NCAM2: variants seen among roughly 807,000 people sequenced by gnomAD.
NCAM2 encodes the protein N-CAM-2.
A neutral mutation model predicts 98.1 loss-of-function variants in NCAM2; 30 were observed. That is an observed-to-expected ratio of 0.31 (90% confidence interval 0.23 to 0.41). The LOEUF is 0.41. Among genes scored for constraint, NCAM2 ranks in the 10% least tolerant of loss-of-function variants. The probability of loss-of-function intolerance (pLI) is 1.00; values close to 1 mark genes in which losing one functional copy is unlikely to be tolerated. For missense variants in NCAM2, 867 were observed against 1,005.8 expected, an observed-to-expected ratio of 0.86 and a Z score of 1.87; for synonymous variants, 368 against 342.4, an observed-to-expected ratio of 1.07 and a Z score of -0.83.
At chr21:21,416,841 A>G (rs1602275548) in intron 10 of NCAM2, among the ~76,000 whole-genome samples, 1 of 152,142 alleles carries the variant, frequency 6.6e-6, no homozygotes, top group African/African-American at 2.4e-5. Flanking sequence ...GAATACATCA[A>G]ATAAGCTTCA....
At chr21:21,382,286 G>A (rs232421) in intron 9 of NCAM2, among the ~76,000 whole-genome samples, 2 of 151,966 alleles carry the variant, frequency 1.3e-5, no homozygotes, top group African/African-American at 2.4e-5. Flanking sequence ...CAATTTTTTT[G>A]TGTGTGTAAT....
intron 1 of NCAM2, among the ~76,000 whole-genome samples, chr21:21,044,459 G>GT (rs1193893907): frequency 6.6e-6 from 1 of 152,068 alleles, no homozygotes; most frequent in Non-Finnish European, 1.5e-5. Flanking sequence ...TTTAAGAATG[G>GT]TAACTATGGT....
chr21:21,303,514 C>T (rs1191702075), intron 5 of NCAM2, among the ~76,000 whole-genome samples: 1 of 151,934 alleles, frequency 6.6e-6, no homozygotes, highest in Non-Finnish European at 1.5e-5. Context: ...TTTTCTTACC[C>T]ATTCACCAAA....
chr21:21,327,113 C>T (rs947878820), intron 6 of NCAM2, among the ~76,000 whole-genome samples: 4 of 152,138 alleles, frequency 2.6e-5, no homozygotes, highest in African/African-American at 9.7e-5. Context: ...GCCTTTGCCT[C>T]CCAAAGTGCT....
At chr21:21,481,026 G>A (rs977573779) in intron 15 of NCAM2, among the ~76,000 whole-genome samples, 1 of 152,190 alleles carries the variant, frequency 6.6e-6, no homozygotes, top group Admixed American at 6.5e-5. Flanking sequence ...GATAACCATG[G>A]CTTGGAAACA....
chr21:21,234,639 A>G (rs186129799), intron 1 of NCAM2, among the ~76,000 whole-genome samples: 2 of 152,060 alleles, frequency 1.3e-5, no homozygotes, highest in Non-Finnish European at 2.9e-5. Context: ...TCATTTGCAC[A>G]TTATCCGTGG....
chr21:21,245,249 G>A (rs889005668), intron 1 of NCAM2, among the ~76,000 whole-genome samples: 1 of 152,104 alleles, frequency 6.6e-6, no homozygotes, highest in African/African-American at 2.4e-5. Flanking sequence ...CAACTTCTCT[G>A]TATGCTACAC....
At chr21:21,045,055 G>A (rs1451818797) in intron 1 of NCAM2, among the ~76,000 whole-genome samples, 1 of 152,128 alleles carries the variant, frequency 6.6e-6, no homozygotes, top group Non-Finnish European at 1.5e-5. Flanking sequence ...CTGAAAGGGT[G>A]TTGTAAATGT....
intron 8 of NCAM2, among the ~76,000 whole-genome samples, chr21:21,369,782 T>A (rs1265259313): frequency 6.6e-6 from 1 of 151,834 alleles, no homozygotes. Flanking sequence ...TTTCTCTAAC[T>A]CTTTCATATC....
chr21:21,243,454 T>G (rs2147249665), intron 1 of NCAM2, among the ~76,000 whole-genome samples: 1 of 152,224 alleles, frequency 6.6e-6, no homozygotes, highest in Middle Eastern at 3.4e-3. Context: ...GGGTTTTGGG[T>G]TTTAAGAAGT....
chr21:21,195,267 G>A (rs571361899), intron 1 of NCAM2, among the ~76,000 whole-genome samples: 7 of 152,108 alleles, frequency 4.6e-5, no homozygotes, highest in Non-Finnish European at 7.4e-5. Context: ...ACTTAGTAAC[G>A]TAAACTATGG....
intron 12 of NCAM2, among the ~76,000 whole-genome samples, chr21:21,436,984 A>G (rs982783172): frequency 5.3e-5 from 8 of 151,598 alleles, no homozygotes; most frequent in Non-Finnish European, 1.2e-4. Context: ...CATGTTACCC[A>G]GGCTGGTTTC....
intron 1 of NCAM2, among the ~76,000 whole-genome samples, chr21:21,184,145 A>G (rs1019185718): frequency 6.6e-6 from 1 of 152,004 alleles, no homozygotes; most frequent in Non-Finnish European, 1.5e-5. Context: ...TTTTGTTTGA[A>G]TTATATACGA....
chr21:21,357,870 CTT>C (rs966616254), intron 8 of NCAM2, among the ~76,000 whole-genome samples: 1 of 151,998 alleles, frequency 6.6e-6, no homozygotes, highest in Non-Finnish European at 1.5e-5. Context: ...AATAAATAAA[CTT>C]AATAAAATAC....
chr21:21,145,637 T>G (rs1032636156), intron 1 of NCAM2, among the ~76,000 whole-genome samples: 2 of 151,998 alleles, frequency 1.3e-5, no homozygotes, highest in African/African-American at 4.8e-5. Flanking sequence ...CAAAAAGAAG[T>G]GGGTAAGAGG....
intron 12 of NCAM2, among the ~76,000 whole-genome samples, chr21:21,448,415 A>T (rs1980521790): frequency 6.6e-6 from 1 of 152,090 alleles, no homozygotes; most frequent in South Asian, 2.1e-4. Context: ...AAAAGGAGGG[A>T]ACTTAGAGGA....
Position 21,082,089 on chromosome 21 carries a change from G to A in NCAM2, c.55+83471G>A, listed in dbSNP as rs540590217. 3.2e-3 allele frequency among the ~76,000 whole-genome samples: 480 copies of A among 151,644 alleles called. 2 individuals are homozygous for A. The highest frequency in any genetic ancestry group is 6.8e-3 in the Middle Eastern group (2 of 294). On this transcript the variant is annotated intron_variant, in intron 1 of 17. Transcript: ENST00000400546. ...CTAAAAATACAAAAATTAGCCGGGC[G>A]TGGTGGCAGGCGCATGTAGTCCCAA...
intron 15 of NCAM2, among the ~76,000 whole-genome samples, chr21:21,501,304 G>T (rs1987614181): frequency 6.6e-6 from 1 of 151,868 alleles, no homozygotes; most frequent in Admixed American, 6.6e-5. Context: ...TTAAAACTAT[G>T]TATTATCTCA....
chr21:21,202,187 G>A (rs549577931), intron 1 of NCAM2, among the ~76,000 whole-genome samples: 2 of 152,014 alleles, frequency 1.3e-5, no homozygotes, highest in Admixed American at 1.3e-4. Context: ...TCCCAGTTTT[G>A]TGACTTTGTA....
Sources: gnomAD v4.1 joint callset for allele counts (sites outside exome capture counted in the v4.1 genomes callset) on GRCh38, gnomAD v4.1.1 for gene constraint, MANE v1.5 for transcripts, NCBI Gene and HGNC (gene_info 2026-07-23, HGNC 2026-07-21) for gene names.